The following IL1R2 variants were observed in gnomAD, a reference collection of about 807,000 sequenced individuals.
IL1R2 encodes the protein interleukin-1 receptor type 2.
IL1R2 carries 46 observed loss-of-function variants against 39.5 expected under a neutral mutation model. The observed-to-expected ratio is 1.16, with a 90% CI of 0.92 to 1.49. The LOEUF is 1.49. Among genes scored for constraint, IL1R2 ranks in the 40% most tolerant of loss-of-function variants. The probability of loss-of-function intolerance (pLI) is 0.00; values close to 1 mark genes in which losing one functional copy is unlikely to be tolerated. For synonymous variants in IL1R2, 207 were observed against 189.6 expected (o/e 1.09, Z -0.75); for missense variants, 537 against 502.0 (o/e 1.07, Z -0.67).
intron 1 of IL1R2, among the ~76,000 whole-genome samples, chr2:102,005,535 T>TCC (rs2150428057): frequency 6.6e-6 from 1 of 152,330 alleles, no homozygotes; most frequent in East Asian, 1.9e-4. Context: ...GGACTCAGGT[T>TCC]CCCCTCTTAC....
At chr2:102,019,598 A>T in intron 4 of IL1R2, 40 bp from the exon 5 acceptor site, 2 of 1,366,738 alleles carry the variant, frequency 1.5e-6, no homozygotes, top group Non-Finnish European at 2.1e-6. Context: ...TGAGATGTAT[A>T]TTGGTATAAT....
intron 1 of IL1R2, among the ~76,000 whole-genome samples, chr2:101,994,224 G>T (rs1465340870): frequency 6.6e-6 from 1 of 152,088 alleles, no homozygotes; most frequent in East Asian, 1.9e-4. Context: ...GGCCCTGCTA[G>T]TAGGGGTTCC....
Position 102,028,260 on chromosome 2 carries a change from C to T in IL1R2, c.1065C>T (p.Ala355=). 1.2e-6 allele frequency: 2 copies of T among 1,612,160 alleles called. No homozygotes were observed. The highest frequency in any genetic ancestry group is 1.7e-6 in the Non-Finnish European group (2 of 1,179,218). ...SSTFSWGIVL[A]PLSLAFLVLG... is the part of the protein sequence containing the mutation. ...CGTTCTCCTGGGGCATTGTGCTGGC[C>T]CCACTTTCACTGGCCTTCTTGGTTT... The change falls in exon 9 of 9, where the codon GCC becomes GCT. Residue 355 remains alanine (A), a synonymous_variant. Coordinates refer to ENST00000332549, the MANE Select transcript of IL1R2 (RefSeq NM_004633.4).
intron 4 of IL1R2, among the ~76,000 whole-genome samples, chr2:102,018,914 C>G (rs142570415): frequency 1.1e-3 from 160 of 152,314 alleles, no homozygotes; most frequent in African/African-American, 3.2e-3. Context: ...TCAATTTTAT[C>G]TGTGTTCTCG....
At chr2:102,026,017 G>A (rs748615936) in intron 7 of IL1R2, 94 bp from the exon 8 acceptor site, 8 of 929,440 alleles carry the variant, frequency 8.6e-6, no homozygotes, top group Admixed American at 2.6e-5. Flanking sequence ...AGCGCAATGG[G>A]TACTTCTAAA....
Position 102,019,789 on chromosome 2 carries a change from G to A in IL1R2, c.665G>A (p.Arg222Lys), listed in dbSNP as rs760605159. 2 of 1,613,948 alleles carry A rather than the reference G, an allele frequency of 1.2e-6. No homozygotes were observed. The highest frequency in any genetic ancestry group is 4.5e-5 in the East Asian group (2 of 44,894). Residue 222 changes from arginine (R) to lysine (K), a missense_variant, in exon 5 of 9, where the codon AGG becomes AAG. Arg to Lys is a conservative substitution (Grantham distance 26, BLOSUM62 2). Transcript: ENST00000332549. ...GAAGGCCAGCAATACAACATCACTA[G>A]GAGTATTGAGCTACGCATCAAGAGT... ...AHEGQQYNITRSIELRIKKKK... is the reference protein window; with the variant it reads ...AHEGQQYNITKSIELRIKKKK...
At chr2:102,011,316 G>C (rs956883038) in intron 3 of IL1R2, among the ~76,000 whole-genome samples, 2 of 152,166 alleles carry the variant, frequency 1.3e-5, no homozygotes, top group African/African-American at 2.4e-5. Flanking sequence ...CTATCATACT[G>C]TTTTCCATAG....
intron 4 of IL1R2, among the ~76,000 whole-genome samples, chr2:102,018,806 G>C (rs192996458): frequency 6.6e-6 from 1 of 152,198 alleles, no homozygotes. Context: ...GCTCTATTTG[G>C]CATTTTTCAT....
Position 102,028,431 on chromosome 2 carries a change from C to T in IL1R2, c.*39C>T, listed in dbSNP as rs141252384. 5.5e-5 allele frequency: 83 copies of T among 1,503,640 alleles called. No homozygotes were observed. Among genetic ancestry groups the T allele is most frequent in the African/African-American group, 3.3e-4 (24 of 72,182 alleles). The allele number at this position is 1,503,640 out of a possible 1,614,324, so 93.1% of individuals were successfully genotyped here. A position where few individuals can be genotyped will look rare whatever the true frequency, so the allele number is the denominator to read the frequency against. On this transcript the variant is annotated 3_prime_UTR_variant, in exon 9 of 9. Transcript: ENST00000332549. ...AAATAATTCAAACACAAACTCCGTA[C>T]GTCTTCTCTTATGGAAGTGGCTGTG...
At chr2:102,013,558 G>GAAAAAAAAAAAAA (rs1676788000) in intron 3 of IL1R2, among the ~76,000 whole-genome samples, 2 of 33,744 alleles carry the variant, frequency 5.9e-5, no homozygotes, top group African/African-American at 1.2e-4. Flanking sequence ...AAAAAGGAAA[G>GAAAAAAAAAAAAA]AAAGAAAAGA....
chr2:101,994,398 T>C (rs1466003294), intron 1 of IL1R2, among the ~76,000 whole-genome samples: 1 of 152,282 alleles, frequency 6.6e-6, no homozygotes, highest in East Asian at 1.9e-4. Flanking sequence ...CGGGTTGCTT[T>C]TTCATGTTTT....
rs535425534 is a variant in IL1R2 at position 102,009,370 on chromosome 2, T to C, written c.68-192T>C. Among the ~76,000 whole-genome samples the C allele has an allele frequency of 3.0e-4, 45 of 152,326 alleles. No individual in the cohort carries two copies. In the East Asian group the frequency reaches 6.0e-3, roughly 20 times the overall value. ...TTGTTATTTGGAAATTTTGAAAGTA[T>C]AATAACGGGGTAGGGAGGGAGTTTA... On this transcript the variant is annotated intron_variant, in intron 2 of 8. Coordinates refer to ENST00000332549, the MANE Select transcript of IL1R2 (RefSeq NM_004633.4).
intron 6 of IL1R2, among the ~76,000 whole-genome samples, chr2:102,024,048 C>CAAAAAAAA (rs767273520): frequency 1.0e-4 from 14 of 139,944 alleles, no homozygotes; most frequent in African/African-American, 3.2e-4. Context: ...GACTCCATCT[C>CAAAAAAAA]AAAAACAAAA....
intron 1 of IL1R2, among the ~76,000 whole-genome samples, chr2:102,003,731 G>C (rs1676069713): frequency 6.7e-6 from 1 of 150,032 alleles, no homozygotes; most frequent in East Asian, 2.0e-4. Flanking sequence ...TCCCCTGTCT[G>C]TGTCCCATGT....
intron 5 of IL1R2, among the ~76,000 whole-genome samples, chr2:102,021,629 G>A (rs896266870): frequency 3.9e-5 from 6 of 152,118 alleles, no homozygotes; most frequent in Admixed American, 2.6e-4. Flanking sequence ...CTTTCTTTAC[G>A]TTGGCTCTAA....
intron 6 of IL1R2, among the ~76,000 whole-genome samples, chr2:102,023,942 G>C (rs573203872): frequency 1.8e-4 from 28 of 152,072 alleles, no homozygotes; most frequent in Non-Finnish European, 3.7e-4. Flanking sequence ...CCAGCTCCTC[G>C]GGGCGCCGAG....
At chr2:102,011,177 TATTG>T (rs1323243559) in intron 3 of IL1R2, among the ~76,000 whole-genome samples, 1 of 152,266 alleles carries the variant, frequency 6.6e-6, no homozygotes, top group Non-Finnish European at 1.5e-5. Flanking sequence ...TCCTTTCAGC[TATTG>T]TGAATCCAAT....
At chr2:102,025,267 A>C (rs1035731531) in intron 7 of IL1R2, among the ~76,000 whole-genome samples, 4 of 152,228 alleles carry the variant, frequency 2.6e-5, no homozygotes, top group African/African-American at 7.2e-5. Context: ...AACTCTTTTT[A>C]AAATTACAGT....
chr2:102,014,640 CT>C (rs1020835606), intron 3 of IL1R2, among the ~76,000 whole-genome samples: 6 of 151,642 alleles, frequency 4.0e-5, no homozygotes, highest in African/African-American at 9.7e-5. Flanking sequence ...TTTCTTTCAC[CT>C]TTTTTTTACA....
Sources: allele counts gnomAD v4.1 joint callset (sites outside exome capture counted in the v4.1 genomes callset), GRCh38; gene constraint gnomAD v4.1.1; transcripts MANE v1.5; gene names NCBI Gene and HGNC (gene_info 2026-07-23, HGNC 2026-07-21).